GMEB1: variants seen among roughly 807,000 people sequenced by gnomAD.
GMEB1 encodes glucocorticoid modulatory element binding protein 1, also known as glucocorticoid modulatory element-binding protein 1.
In GMEB1, 6 loss-of-function variants were observed where a neutral mutation model predicts 52.4. The observed-to-expected ratio is 0.11, with a 90% CI of 0.06 to 0.23. The LOEUF is 0.23. Ranked by LOEUF, GMEB1 falls within the 10% of genes least tolerant of loss-of-function variation. The probability of loss-of-function intolerance (pLI) is 1.00; values close to 1 mark genes in which losing one functional copy is unlikely to be tolerated. For missense variants in GMEB1, 486 were observed against 685.6 expected (o/e 0.71, Z 3.25); for synonymous variants, 255 against 244.9 (o/e 1.04, Z -0.38).
rs1669497799 is a variant in GMEB1 at position 28,683,623 on chromosome 1, C to T, written c.11C>T (p.Ala4Val). The T allele has an allele frequency of 6.2e-7, 1 of 1,605,768 alleles. No homozygotes were observed. The highest frequency in any genetic ancestry group is 8.5e-7 in the Non-Finnish European group (1 of 1,176,874). The change falls in exon 2 of 10, where the codon GCA (alanine) becomes GTA (valine). Residue 4 changes from alanine to valine, a missense_variant. Ala to Val is a moderately conservative substitution (Grantham distance 64). Transcript: ENST00000373816. ...GACTTCATGTGAAAGATGGCTAATG[C>T]AGAAGTGAGTGTCCCAGTGGGGGAT... MAN[A>V]EVSVPVGDVV...
At chr1:28,688,357 G>A (rs1669790223) in intron 2 of GMEB1, among the ~76,000 whole-genome samples, 1 of 152,196 alleles carries the variant, frequency 6.6e-6, no homozygotes, top group African/African-American at 2.4e-5. Context: ...ATTCAGAAGG[G>A]AGGTCTGTGC....
Position 28,714,497 on chromosome 1 carries a change from G to A in GMEB1, c.1416G>A (p.Gly472=), listed in dbSNP as rs147065711. 8.4e-5 allele frequency: 136 copies of A among 1,614,162 alleles called. No individual in the cohort carries two copies. The African/African-American group carries it at 1.5e-3, about 18-fold the overall frequency. Residue 472 remains glycine, a synonymous_variant, in exon 10 of 10, where the codon GGG becomes GGA. Coordinates refer to ENST00000373816, the MANE Select transcript of GMEB1 (RefSeq NM_001319674.2). ...ALLSSTAMQD[G]STLGNMTTMV... Reference sequence around the variant, plus strand: ...TGAGCTCTACTGCCATGCAGGATGGGAGTACACTGGGCAACATGACCACCA... The same window carrying A: ...TGAGCTCTACTGCCATGCAGGATGGAAGTACACTGGGCAACATGACCACCA...
chr1:28,671,538 C>T lies in GMEB1; in HGVS notation c.-31+2699C>T, dbSNP rs569718399. ...CTCGGCCTCTCTTTAGCTCGAGTTC[C>T]AGACCAGCTTGGGCAACATGGTGAA... On this transcript the variant is annotated intron_variant, in intron 1 of 9. Coordinates refer to ENST00000373816, the MANE Select transcript of GMEB1 (RefSeq NM_001319674.2). 4.6e-5 allele frequency among the ~76,000 whole-genome samples: 7 copies of T among 152,166 alleles called. No homozygotes were observed. The East Asian group carries it at 1.4e-3, about 30-fold the overall frequency.
At chr1:28,680,244 AAAAG>A (rs1448823158) in intron 1 of GMEB1, among the ~76,000 whole-genome samples, 4 of 152,318 alleles carry the variant, frequency 2.6e-5, no homozygotes, top group African/African-American at 9.6e-5. Context: ...ATAAAAATAA[AAAAG>A]AAAATTCTAG....
intron 5 of GMEB1, 85 bp from the exon 6 acceptor site, chr1:28,696,842 G>A: frequency 9.8e-7 from 1 of 1,025,138 alleles, no homozygotes; most frequent in Non-Finnish European, 1.5e-6. Context: ...AGGCTCAGCA[G>A]TGTTGTCCCT....
At chr1:28,683,793 T>G in intron 2 of GMEB1, 53 bp downstream of exon 2, 1 of 1,564,464 alleles carries the variant, frequency 6.4e-7, no homozygotes, top group Non-Finnish European at 8.7e-7. Flanking sequence ...GCTTCAAGGG[T>G]GGGGAAATTA....
intron 1 of GMEB1, among the ~76,000 whole-genome samples, chr1:28,678,323 G>T (rs887785161): frequency 1.3e-5 from 2 of 151,812 alleles, no homozygotes; most frequent in Non-Finnish European, 2.9e-5. Flanking sequence ...TTGTTTGTTT[G>T]TTTTTTGAGA....
chr1:28,683,375 T>A (rs1227230139), intron 1 of GMEB1, among the ~76,000 whole-genome samples: 1 of 151,988 alleles, frequency 6.6e-6, no homozygotes, highest in African/African-American at 2.4e-5. Flanking sequence ...ACAGATACGC[T>A]CCACCACGTA....
At position 28,718,247 on chromosome 1, in the gene GMEB1, G is replaced by A. The variant is rs1046247085; in HGVS notation, c.*3474G>A. 2.6e-5 allele frequency: 4 copies of A among 152,228 alleles called. No homozygotes were observed. The highest frequency in any genetic ancestry group is 5.9e-5 in the Non-Finnish European group (4 of 68,042). 9.4% of individuals were successfully genotyped at this position (152,228 alleles called of 1,614,324 possible). A position where few individuals can be genotyped will look rare whatever the true frequency, so the allele number is the denominator to read the frequency against. ...CTTTGTGCTAGGCACTGACAGTAGA[G>A]AGATGAAGACATAGTCCTTGCACTT... On this transcript the variant is annotated 3_prime_UTR_variant, in exon 10 of 10. Transcript: ENST00000373816.
At chr1:28,703,306 T>C (rs1396429127) in intron 7 of GMEB1, among the ~76,000 whole-genome samples, 2 of 152,196 alleles carry the variant, frequency 1.3e-5, no homozygotes, top group African/African-American at 4.8e-5. Context: ...TATTTATTCA[T>C]TTAATAGGTA....
At chr1:28,673,136 C>T (rs140610564) in intron 1 of GMEB1, among the ~76,000 whole-genome samples, 409 of 152,278 alleles carry the variant, frequency 2.7e-3, no homozygotes, top group Middle Eastern at 0.01. Context: ...TCAGGTGATC[C>T]GCCTGCCTCG....
Position 28,690,201 on chromosome 1 carries a change from GTGTTT to G in GMEB1, c.211+17_211+21del. On this transcript the variant is annotated intron_variant, in intron 3 of 9. Transcript: ENST00000373816. ...AGAAGGGATTGGTAAGGGTTTTTTTGTGTTTTTTTTTTTTTTTTTTTTTGTCATTC... is the reference window on the plus strand; with the variant it reads ...AGAAGGGATTGGTAAGGGTTTTTTTGTTTTTTTTTTTTTTTTTTGTCATTC... 3 of 582,838 alleles carry G rather than the reference GTGTTT, an allele frequency of 5.1e-6. No individual in the cohort carries two copies. The highest frequency in any genetic ancestry group is 6.4e-5 in the African/African-American group (2 of 31,446). 36.1% of individuals were successfully genotyped at this position (582,838 alleles called of 1,614,324 possible). A position where few individuals can be genotyped will look rare whatever the true frequency, so the allele number is the denominator to read the frequency against.
At chr1:28,706,475 G>C (rs978072459) in intron 8 of GMEB1, among the ~76,000 whole-genome samples, 1 of 151,504 alleles carries the variant, frequency 6.6e-6, no homozygotes, top group African/African-American at 2.4e-5. Flanking sequence ...ATGATGGCGG[G>C]TGCCTGTAAT....
intron 9 of GMEB1, among the ~76,000 whole-genome samples, chr1:28,711,267 C>T (rs1570439815): frequency 1.5e-5 from 2 of 136,588 alleles, no homozygotes; most frequent in East Asian, 4.3e-4. Context: ...TCCTGAGGGA[C>T]AAGAACGAGA....
At chr1:28,669,785 G>C (rs760834695) in intron 1 of GMEB1, among the ~76,000 whole-genome samples, 1 of 152,174 alleles carries the variant, frequency 6.6e-6, no homozygotes, top group Non-Finnish European at 1.5e-5. Flanking sequence ...AGAGATCGTT[G>C]AGGAAAGATG....
chr1:28,688,391 T>C (rs1669792810), intron 2 of GMEB1, among the ~76,000 whole-genome samples: 2 of 152,186 alleles, frequency 1.3e-5, no homozygotes, highest in South Asian at 4.1e-4. Flanking sequence ...GTGGAGGTAG[T>C]CATTGATACA....
chr1:28,672,967 C>T (rs942652304), intron 1 of GMEB1, among the ~76,000 whole-genome samples: 1 of 151,334 alleles, frequency 6.6e-6, no homozygotes, highest in Non-Finnish European at 1.5e-5. Context: ...GCGATCTCGG[C>T]TCAGCGCAAC....
intron 1 of GMEB1, among the ~76,000 whole-genome samples, chr1:28,677,124 TTG>T (rs1351140672): frequency 1.3e-5 from 2 of 152,218 alleles, no homozygotes; most frequent in East Asian, 3.8e-4. Context: ...ATTTTGAATT[TTG>T]TGTTTAGACT....
At chr1:28,713,481 A>G (rs1468400136) in intron 9 of GMEB1, among the ~76,000 whole-genome samples, 1 of 152,158 alleles carries the variant, frequency 6.6e-6, no homozygotes, top group Non-Finnish European at 1.5e-5. Flanking sequence ...TCATAACCTT[A>G]AATTAGTCAT....
Sources: allele counts gnomAD v4.1 joint callset (sites outside exome capture counted in the v4.1 genomes callset), GRCh38; gene constraint gnomAD v4.1.1; transcripts MANE v1.5; gene names NCBI Gene and HGNC (gene_info 2026-07-23, HGNC 2026-07-21).